The following PSD3 variants were observed in gnomAD, a reference collection of about 807,000 sequenced individuals.
The protein encoded by PSD3 is PH and SEC7 domain-containing protein 3.
In PSD3, 49 loss-of-function variants were observed where a neutral mutation model predicts 105.5. The observed-to-expected ratio is 0.46, with a 90% CI of 0.37 to 0.59. The LOEUF is 0.59. Among genes scored for constraint, PSD3 ranks in the 20% least tolerant of loss-of-function variants. The probability of loss-of-function intolerance (pLI) is 0.00; values close to 1 mark genes in which losing one functional copy is unlikely to be tolerated. For synonymous variants in PSD3, 557 were observed against 457.8 expected (o/e 1.22, Z -2.77); for missense variants, 1,561 against 1,263.8 (o/e 1.24, Z -3.57).
intron 9 of PSD3, among the ~76,000 whole-genome samples, chr8:18,712,763 ACTC>A (rs1802333674): frequency 6.6e-6 from 1 of 151,994 alleles, no homozygotes; most frequent in Non-Finnish European, 1.5e-5. Flanking sequence ...AAAAGGAAGA[ACTC>A]CTCCCTTACT....
chr8:18,968,863 A>G (rs1278351616), intron 1 of PSD3, among the ~76,000 whole-genome samples: 3 of 102,206 alleles, frequency 2.9e-5, no homozygotes, highest in East Asian at 5.8e-4. Flanking sequence ...GTGACAGAGC[A>G]AAAAAAAAAT....
rs1175590524 is a variant in PSD3 at position 18,751,540 on chromosome 8, G to T, written c.2172+13909C>A. On this transcript the variant is annotated intron_variant, in intron 9 of 15. Coordinates refer to ENST00000327040, the MANE Select transcript of PSD3 (RefSeq NM_015310.4). ...CCAAATATCTTATTTTACAAATGAGGAAACTCAGGCACAAAGTGAAATGAT... is the reference window on the plus strand; with the variant it reads ...CCAAATATCTTATTTTACAAATGAGTAAACTCAGGCACAAAGTGAAATGAT... Among the ~76,000 whole-genome samples, 3 of 151,910 alleles carry T rather than the reference G, an allele frequency of 2.0e-5. No individual in the cohort carries two copies. In the East Asian group the frequency reaches 5.8e-4, roughly 29 times the overall value.
chr8:18,724,779 A>T (rs1427747973), intron 9 of PSD3, among the ~76,000 whole-genome samples: 1 of 152,078 alleles, frequency 6.6e-6, no homozygotes, highest in African/African-American at 2.4e-5. Context: ...TAATAAATGG[A>T]AAAATAAATG....
At chr8:18,953,581 T>C (rs541708874) in intron 1 of PSD3, among the ~76,000 whole-genome samples, 2 of 152,156 alleles carry the variant, frequency 1.3e-5, no homozygotes, top group African/African-American at 4.8e-5. Context: ...AAACCCCATC[T>C]CTACTAAAAT....
chr8:18,968,779 G>C (rs1824444795), intron 1 of PSD3, among the ~76,000 whole-genome samples: 1 of 151,466 alleles, frequency 6.6e-6, no homozygotes, highest in Non-Finnish European at 1.5e-5. Flanking sequence ...AGGAGGCTGA[G>C]GCAGAAGAAT....
At chr8:18,551,881 T>C (rs1337692868) in intron 15 of PSD3, among the ~76,000 whole-genome samples, 19 of 152,176 alleles carry the variant, frequency 1.2e-4, no homozygotes, top group Middle Eastern at 3.4e-3. Context: ...ACTTAATACA[T>C]ATAAAACTGG....
intron 15 of PSD3, among the ~76,000 whole-genome samples, chr8:18,547,184 G>A (rs1280183527): frequency 1.3e-5 from 2 of 152,120 alleles, no homozygotes; most frequent in South Asian, 4.2e-4. Flanking sequence ...GGCACACAGA[G>A]GCTACCAACC....
At chr8:18,749,983 G>A (rs937227132) in intron 9 of PSD3, among the ~76,000 whole-genome samples, 9 of 152,098 alleles carry the variant, frequency 5.9e-5, no homozygotes, top group African/African-American at 2.2e-4. Flanking sequence ...TTTGGAAATG[G>A]AAAAACCAGA....
rs901494300 is a variant in PSD3, at chr8:18,776,646, G to A, written c.2083-11108C>T. On this transcript the variant is annotated intron_variant, in intron 8 of 15. Coordinates refer to ENST00000327040, the MANE Select transcript of PSD3 (RefSeq NM_015310.4). ...TAGCTTTGGCCTCCTCAAGTGCTAGGATTGCAGGTGTGAGTCACCGCATCT... is the reference window on the plus strand; with the variant it reads ...TAGCTTTGGCCTCCTCAAGTGCTAGAATTGCAGGTGTGAGTCACCGCATCT... Among the ~76,000 whole-genome samples the A allele has an allele frequency of 1.3e-5, 2 of 152,094 alleles. 1 individual carries two copies. The highest frequency in any genetic ancestry group is 1.3e-4 in the Admixed American group (2 of 15,268).
chr8:18,947,188 C>G (rs964028359), intron 1 of PSD3, among the ~76,000 whole-genome samples: 7 of 151,998 alleles, frequency 4.6e-5, no homozygotes, highest in Non-Finnish European at 7.4e-5. Context: ...GACAAAACAG[C>G]CAGGAAACAA....
chr8:18,801,030 A>G (rs1023805541), intron 7 of PSD3: 22 of 310,886 alleles, frequency 7.1e-5, no homozygotes, highest in Admixed American at 1.9e-4. Context: ...TTATGCTTTT[A>G]AAGAATATTT....
At chr8:18,549,177 GTTTTTT>G (rs60419038) in intron 15 of PSD3, among the ~76,000 whole-genome samples, 3 of 115,774 alleles carry the variant, frequency 2.6e-5, no homozygotes, top group Admixed American at 8.6e-5. Flanking sequence ...TCTATTCTCA[GTTTTTT>G]TTTTTTTTTT....
At chr8:19,057,506 G>C (rs904275643) in intron 1 of PSD3, among the ~76,000 whole-genome samples, 2 of 152,172 alleles carry the variant, frequency 1.3e-5, no homozygotes, top group Non-Finnish European at 2.9e-5. Flanking sequence ...ATCTCTACTA[G>C]TTTGGCTATA....
chr8:19,070,993 G>C (rs111497257), intron 1 of PSD3, among the ~76,000 whole-genome samples: 1 of 151,892 alleles, frequency 6.6e-6, no homozygotes, highest in Non-Finnish European at 1.5e-5. Context: ...TGAGTGTCAG[G>C]ATAACTTACA....
chr8:18,988,080 C>T (rs962294897), intron 1 of PSD3, among the ~76,000 whole-genome samples: 3 of 151,124 alleles, frequency 2.0e-5, no homozygotes, highest in African/African-American at 7.3e-5. Context: ...AAAGTAAGCA[C>T]CAATGAATGT....
At chr8:18,972,864 C>A (rs868694477) in intron 1 of PSD3, among the ~76,000 whole-genome samples, 6 of 152,206 alleles carry the variant, frequency 3.9e-5, no homozygotes, top group African/African-American at 1.4e-4. Context: ...CTAAGACACA[C>A]AGCATGGAAA....
intron 2 of PSD3, among the ~76,000 whole-genome samples, chr8:18,907,729 C>T (rs1349370723): frequency 6.6e-6 from 1 of 152,214 alleles, no homozygotes; most frequent in East Asian, 1.9e-4. Context: ...TTTCTCAGAA[C>T]ATATACCCAT....
chr8:18,834,278 C>A (rs1015971940), intron 4 of PSD3, among the ~76,000 whole-genome samples: 4 of 152,114 alleles, frequency 2.6e-5, no homozygotes, highest in Non-Finnish European at 5.9e-5. Context: ...TACATGGCAA[C>A]ACCACTAAGC....
chr8:18,842,727 C>T (rs922952674), intron 4 of PSD3, among the ~76,000 whole-genome samples: 7 of 138,474 alleles, frequency 5.1e-5, no homozygotes, highest in Admixed American at 1.4e-4. Context: ...AGCGAGACTC[C>T]GTCTAAAAAA....
Sources: gnomAD v4.1 joint callset for allele counts (sites outside exome capture counted in the v4.1 genomes callset) on GRCh38, gnomAD v4.1.1 for gene constraint, MANE v1.5 for transcripts, NCBI Gene and HGNC (gene_info 2026-07-23, HGNC 2026-07-21) for gene names.